Variants in UBE2K observed in about 807,000 individuals in gnomAD.
UBE2K encodes the protein ubiquitin conjugating enzyme E2 K.
UBE2K carries 6 observed loss-of-function variants against 30.0 expected under a neutral mutation model. The observed-to-expected ratio is 0.20, with a 90% CI of 0.11 to 0.39. UBE2K has a LOEUF of 0.39. UBE2K is among the 10% of genes least tolerant of loss of function. The pLI, the probability that UBE2K is intolerant of heterozygous loss-of-function variation, is 1.00. For missense variants in UBE2K, 61 were observed against 241.6 expected, an observed-to-expected ratio of 0.25 and a Z score of 4.96; for synonymous variants, 86 against 83.7, an observed-to-expected ratio of 1.03 and a Z score of -0.15.
At position 39,782,003 on chromosome 4, in the gene UBE2K, A is replaced by G. The variant is rs984276786; in HGVS notation, c.*3569A>G. 4 of 398,184 alleles carry G rather than the reference A, an allele frequency of 1.0e-5. No individual in the cohort carries two copies. Among genetic ancestry groups the G allele is most frequent in the African/African-American group, 4.1e-5 (2 of 48,608 alleles). 24.7% of individuals were successfully genotyped at this position (398,184 alleles called of 1,614,324 possible). On this transcript the variant is annotated 3_prime_UTR_variant, in exon 7 of 7. Transcript: ENST00000261427. ...GTCTACATATTATGTCACACGTTCT[A>G]TTTGCACTGCTGCAATATAGATCAA...
In UBE2K at chr4:39,778,454, ATAGT is replaced by A. The variant is rs1560384557; in HGVS notation, c.*21_*24del. On this transcript the variant is annotated 3_prime_UTR_variant, in exon 7 of 7. Coordinates refer to ENST00000261427, the MANE Select transcript of UBE2K (RefSeq NM_005339.5). ...AACTGAGGCATAGAGAGCTGCTGATATAGTCAAGCTTGCCTCTTCTTGAGGAGCA... is the reference window on the plus strand; with the variant it reads ...AACTGAGGCATAGAGAGCTGCTGATACAAGCTTGCCTCTTCTTGAGGAGCA... The A allele has an allele frequency of 1.3e-6, 2 of 1,556,236 alleles. No individual in the cohort carries two copies. Among genetic ancestry groups the A allele is most frequent in the Non-Finnish European group, 1.8e-6 (2 of 1,130,518 alleles).
intron 1 of UBE2K, chr4:39,714,544 A>ATTTTTTTTTTTT (rs1337587267): frequency 1.4e-3 from 29 of 21,084 alleles, no homozygotes; most frequent in Admixed American, 4.6e-3. Context: ...ATATATATAT[A>ATTTTTTTTTTTT]TATATATTTT....
At chr4:39,736,821 CCTTTT>C (rs1364221234) in intron 1 of UBE2K, among the ~76,000 whole-genome samples, 1 of 152,060 alleles carries the variant, frequency 6.6e-6, no homozygotes, top group Non-Finnish European at 1.5e-5. Flanking sequence ...TTGAAGAAGG[CCTTTT>C]CTTTTGAGGC....
At chr4:39,729,654 C>CT (rs1489800932) in intron 1 of UBE2K, among the ~76,000 whole-genome samples, 1 of 152,136 alleles carries the variant, frequency 6.6e-6, no homozygotes, top group African/African-American at 2.4e-5. Context: ...CAGGTGATCT[C>CT]TAAGAGACCC....
chr4:39,712,359 G>A (rs935020625), intron 1 of UBE2K, among the ~76,000 whole-genome samples: 2 of 120,538 alleles, frequency 1.7e-5, no homozygotes, highest in African/African-American at 3.3e-5. Context: ...CCGCCACTGC[G>A]CCCGGCCAAT....
At chr4:39,747,769 A>G (rs548897059) in intron 3 of UBE2K, among the ~76,000 whole-genome samples, 20 of 146,468 alleles carry the variant, frequency 1.4e-4, no homozygotes, top group African/African-American at 5.1e-4. Flanking sequence ...GGCGTCTGCT[A>G]CCTCGCCCGG....
chr4:39,753,483 G>A (rs1184480685), intron 3 of UBE2K, among the ~76,000 whole-genome samples: 3 of 152,188 alleles, frequency 2.0e-5, no homozygotes, highest in Non-Finnish European at 2.9e-5. Flanking sequence ...CATTCCATGT[G>A]AGTCGCTTAC....
At chr4:39,748,421 G>C (rs980829277) in intron 3 of UBE2K, among the ~76,000 whole-genome samples, 1 of 151,992 alleles carries the variant, frequency 6.6e-6, no homozygotes, top group African/African-American at 2.4e-5. Context: ...GAGAAAAATA[G>C]ACTCAAAACA....
intron 3 of UBE2K, among the ~76,000 whole-genome samples, chr4:39,752,342 T>C (rs1721310110): frequency 7.9e-6 from 1 of 126,338 alleles, no homozygotes; most frequent in Non-Finnish European, 1.7e-5. Flanking sequence ...TTTCTTTTTT[T>C]TTTTTTTTTT....
intron 1 of UBE2K, among the ~76,000 whole-genome samples, chr4:39,733,332 AT>A (rs34069872): frequency 0.21 from 27,326 of 128,428 alleles, 2,326 homozygotes; most frequent in South Asian, 0.29. Context: ...TCGGGCTTTA[AT>A]TTTTTTTTTT....
chr4:39,768,371 T>C (rs796820839), intron 4 of UBE2K, among the ~76,000 whole-genome samples: 16 of 142,568 alleles, frequency 1.1e-4, no homozygotes, highest in African/African-American at 4.0e-4. Flanking sequence ...TGCTTGAACC[T>C]GGGAGGCAAA....
intron 1 of UBE2K, among the ~76,000 whole-genome samples, chr4:39,701,807 C>T (rs998215935): frequency 6.6e-6 from 1 of 151,530 alleles, no homozygotes; most frequent in African/African-American, 2.4e-5. Context: ...CTCGCCCAGA[C>T]TGGAGTGCAG....
At chr4:39,755,359 C>T (rs1272720467) in intron 3 of UBE2K, among the ~76,000 whole-genome samples, 2 of 152,038 alleles carry the variant, frequency 1.3e-5, no homozygotes, top group Non-Finnish European at 2.9e-5. Context: ...GGATTTTATT[C>T]TCTGTTGTAT....
At chr4:39,751,370 TAAA>T (rs1170405634) in intron 3 of UBE2K, among the ~76,000 whole-genome samples, 25 of 152,218 alleles carry the variant, frequency 1.6e-4, no homozygotes, top group African/African-American at 5.3e-4. Flanking sequence ...GACCCTTCTT[TAAA>T]AAGCAGTGCT....
chr4:39,716,020 G>A lies in UBE2K; in HGVS notation c.63+17630G>A, dbSNP rs1320541966. 7.2e-5 allele frequency among the ~76,000 whole-genome samples: 11 copies of A among 152,032 alleles called. No homozygotes were observed. In the East Asian group the frequency reaches 2.1e-3, roughly 29 times the overall value. On this transcript the variant is annotated intron_variant, in intron 1 of 6. Coordinates refer to ENST00000261427, the MANE Select transcript of UBE2K (RefSeq NM_005339.5). ...GTGAGTTCTCGTGATCATCCATTTT[G>A]TACATGTTCCTTCAGCATTTCCATT... is the stretch of plus-strand genomic sequence containing the variant.
At chr4:39,743,011 A>G (rs931945213) in intron 2 of UBE2K, among the ~76,000 whole-genome samples, 1 of 151,382 alleles carries the variant, frequency 6.6e-6, no homozygotes, top group Non-Finnish European at 1.5e-5. Context: ...GTGCCTCTGC[A>G]CTCCAGCCTG....
Position 39,782,284 on chromosome 4 carries a change from C to G in UBE2K, c.*3850C>G, listed in dbSNP as rs1046076358. ...GCTGTTAACGATCCTTGTCTGCTTGCTGTTACCTACTTTTTACAGGCATCA... is the reference window on the plus strand; with the variant it reads ...GCTGTTAACGATCCTTGTCTGCTTGGTGTTACCTACTTTTTACAGGCATCA... On this transcript the variant is annotated 3_prime_UTR_variant, in exon 7 of 7. Coordinates refer to ENST00000261427, the MANE Select transcript of UBE2K (RefSeq NM_005339.5). 4 of 280,646 alleles carry G rather than the reference C, an allele frequency of 1.4e-5. No homozygotes were observed. The highest frequency in any genetic ancestry group is 2.2e-5 in the African/African-American group (1 of 46,046). The allele number at this position is 280,646 out of a possible 1,614,324, so 17.4% of individuals were successfully genotyped here.
intron 4 of UBE2K, among the ~76,000 whole-genome samples, chr4:39,772,052 G>A (rs1196320080): frequency 2.0e-5 from 3 of 152,142 alleles, no homozygotes; most frequent in African/African-American, 7.2e-5. Flanking sequence ...GCCCAGGCTG[G>A]TCTCAAACTC....
At chr4:39,730,027 A>G (rs1045239731) in intron 1 of UBE2K, among the ~76,000 whole-genome samples, 7 of 152,252 alleles carry the variant, frequency 4.6e-5, no homozygotes, top group Non-Finnish European at 1.0e-4. Context: ...AACTATTGAT[A>G]CAGGTTAGAG....
Sources: gnomAD v4.1 joint callset for allele counts (sites outside exome capture counted in the v4.1 genomes callset) on GRCh38, gnomAD v4.1.1 for gene constraint, MANE v1.5 for transcripts, NCBI Gene and HGNC (gene_info 2026-07-23, HGNC 2026-07-21) for gene names.